Variants in SLX4IP observed in about 807,000 individuals in gnomAD.
SLX4IP encodes the protein SLX4 interacting protein, also known as protein SLX4IP.
A neutral mutation model predicts 32.9 loss-of-function variants in SLX4IP; 34 were observed. That is an observed-to-expected ratio of 1.03 (90% CI 0.79 to 1.38). SLX4IP has a LOEUF of 1.38. Ranked by LOEUF, SLX4IP falls within the 40% of genes most tolerant of loss-of-function variation. The pLI is 0.00. For missense variants in SLX4IP, 444 were observed against 479.0 expected, an observed-to-expected ratio of 0.93 and a Z score of 0.68; for synonymous variants, 172 against 171.7, an observed-to-expected ratio of 1.00 and a Z score of -0.01.
intron 1 of SLX4IP, among the ~76,000 whole-genome samples, chr20:10,438,096 G>A (rs529469519): frequency 2.0e-5 from 3 of 152,206 alleles, no homozygotes; most frequent in Admixed American, 2.0e-4. Flanking sequence ...GGGCTTTAAG[G>A]TTTTGTTTAT....
intron 6 of SLX4IP, among the ~76,000 whole-genome samples, chr20:10,603,871 C>A (rs1272339535): frequency 1.3e-5 from 2 of 152,102 alleles, no homozygotes; most frequent in African/African-American, 4.8e-5. Flanking sequence ...ACCCATCAAG[C>A]CAACTACACC....
At chr20:10,514,531 C>T (rs546764525) in intron 2 of SLX4IP, among the ~76,000 whole-genome samples, 5 of 152,284 alleles carry the variant, frequency 3.3e-5, no homozygotes, top group African/African-American at 4.8e-5. Flanking sequence ...TCTTGTAGCA[C>T]GGAAGGATCA....
chr20:10,523,726 T>G (rs2065918620), intron 2 of SLX4IP, among the ~76,000 whole-genome samples: 1 of 152,374 alleles, frequency 6.6e-6, no homozygotes, highest in Admixed American at 6.5e-5. Flanking sequence ...ACGTCAGAAC[T>G]GTCTGCTGGA....
At chr20:10,497,822 T>G (rs1200752922) in intron 2 of SLX4IP, among the ~76,000 whole-genome samples, 1 of 152,084 alleles carries the variant, frequency 6.6e-6, no homozygotes, top group Admixed American at 6.6e-5. Flanking sequence ...GGCTGCTGCT[T>G]CTTCCTTTAA....
At position 10,560,749 on chromosome 20, in the gene SLX4IP, A is replaced by G. The variant is rs766445670; in HGVS notation, c.167A>G (p.Tyr56Cys). 2.5e-6 allele frequency: 4 copies of G among 1,607,962 alleles called. No individual in the cohort carries two copies. Among genetic ancestry groups the G allele is most frequent in the Non-Finnish European group, 3.4e-6 (4 of 1,176,952 alleles). ...KETIDSRVQE[Y>C]LEVRKQHRPS... ...ACCATTGATTCAAGAGTTCAGGAGT[A>G]CTTGGAAGTTCGCAAACAGCACAGG... The change falls in exon 4 of 8, where the codon TAC becomes TGC. Residue 56 changes from tyrosine to cysteine, a missense_variant. Physicochemically the swap from Tyr to Cys is radical, Grantham distance 194. Transcript: ENST00000334534.
intron 4 of SLX4IP, among the ~76,000 whole-genome samples, chr20:10,588,672 T>C (rs562303623): frequency 6.6e-6 from 1 of 152,312 alleles, no homozygotes; most frequent in East Asian, 1.9e-4. Context: ...AAATACTGTG[T>C]GATCTCACTT....
At chr20:10,558,316 T>C (rs750615220) in intron 3 of SLX4IP, among the ~76,000 whole-genome samples, 2 of 126,722 alleles carry the variant, frequency 1.6e-5, no homozygotes, top group South Asian at 4.9e-4. Flanking sequence ...AACTCCACCA[T>C]GGGTGGCAGA....
At chr20:10,449,203 C>T (rs2876201) in intron 1 of SLX4IP, among the ~76,000 whole-genome samples, 74,236 of 151,672 alleles carry the variant, frequency 0.49, 19,575 homozygotes, top group Non-Finnish European at 0.6. Flanking sequence ...TCTATGCAAC[C>T]GACTTTCCAG....
At chr20:10,514,920 G>A (rs1294218857) in intron 2 of SLX4IP, among the ~76,000 whole-genome samples, 1 of 152,044 alleles carries the variant, frequency 6.6e-6, no homozygotes, top group Non-Finnish European at 1.5e-5. Flanking sequence ...ACCAACTTTG[G>A]AACACAGGAC....
Position 10,626,354 on chromosome 20 carries a change from C to T in SLX4IP, c.*2975C>T, listed in dbSNP as rs2067174489. The T allele has an allele frequency of 6.6e-6, 1 of 151,724 alleles. No individual in the cohort carries two copies. The highest frequency in any genetic ancestry group is 6.6e-5 in the Admixed American group (1 of 15,226). 9.4% of individuals were successfully genotyped at this position (151,724 alleles called of 1,614,324 possible). A position where few individuals can be genotyped will look rare whatever the true frequency, so the allele number is the denominator to read the frequency against. On this transcript the variant is annotated 3_prime_UTR_variant, in exon 8 of 8. Transcript: ENST00000334534. ...GGCCTGTTTTGACATTCTTAATGAT[C>T]TTAATAATTTGGCATCTGAAAGTCT...
At chr20:10,584,480 T>G (rs140775100) in intron 4 of SLX4IP, among the ~76,000 whole-genome samples, 3,757 of 152,328 alleles carry the variant, frequency 0.025, 93 homozygotes, top group Admixed American at 0.086. Flanking sequence ...AATAAGACTC[T>G]CACTACTAAT....
intron 2 of SLX4IP, among the ~76,000 whole-genome samples, chr20:10,523,573 A>C (rs2065916789): frequency 6.6e-6 from 1 of 152,254 alleles, no homozygotes; most frequent in African/African-American, 2.4e-5. Context: ...ATGACTTTCT[A>C]AAATGAGACT....
chr20:10,436,474 A>T (rs2065116249), intron 1 of SLX4IP, among the ~76,000 whole-genome samples: 1 of 151,898 alleles, frequency 6.6e-6, no homozygotes, highest in Non-Finnish European at 1.5e-5. Context: ...CTCCTGCCTC[A>T]GCGTTCCCAG....
At chr20:10,550,725 G>T (rs2066209890) in intron 2 of SLX4IP, among the ~76,000 whole-genome samples, 1 of 152,178 alleles carries the variant, frequency 6.6e-6, no homozygotes, top group Non-Finnish European at 1.5e-5. Context: ...TCTGCATTGA[G>T]ACTCTTTTCC....
Position 10,514,172 on chromosome 20 carries a change from A to T in SLX4IP, c.28-42059A>T, listed in dbSNP as rs554822915. The stretch of plus-strand genomic sequence containing the variant: ...CCTCTAGGTTTGGTTACAAAACTCT[A>T]CCGGGGAGTGGGAGGTGAGAGTGGG... On this transcript the variant is annotated intron_variant, in intron 2 of 7. Transcript: ENST00000334534. Among the ~76,000 whole-genome samples the T allele has an allele frequency of 9.3e-4, 141 of 152,290 alleles. 1 individual carries two copies. The highest frequency in any genetic ancestry group is 1.6e-3 in the Non-Finnish European group (109 of 68,020).
intron 6 of SLX4IP, among the ~76,000 whole-genome samples, chr20:10,607,308 A>G (rs1473757831): frequency 1.4e-4 from 22 of 152,168 alleles, no homozygotes; most frequent in Admixed American, 1.4e-3. Context: ...CTTATGCTTC[A>G]TTTGAGCTGT....
chr20:10,531,462 T>C lies in SLX4IP; in HGVS notation c.28-24769T>C, dbSNP rs574046357. On this transcript the variant is annotated intron_variant, in intron 2 of 7. Transcript: ENST00000334534. ...CAGTCTTCTATGACTCTTGTGTTTC[T>C]CTTTGCTGTTTTTAAAAATTGTACC... Among the ~76,000 whole-genome samples the C allele has an allele frequency of 2.6e-5, 4 of 152,344 alleles. No individual in the cohort carries two copies. The East Asian group carries it at 7.7e-4, about 29-fold the overall frequency.
intron 2 of SLX4IP, among the ~76,000 whole-genome samples, chr20:10,468,335 A>G (rs1264497615): frequency 6.6e-6 from 1 of 152,070 alleles, no homozygotes; most frequent in Admixed American, 6.6e-5. Context: ...TTACCATTCC[A>G]GTTCATCTAG....
chr20:10,599,151 TC>T (rs1786981298), intron 5 of SLX4IP, among the ~76,000 whole-genome samples: 1 of 152,072 alleles, frequency 6.6e-6, no homozygotes, highest in Non-Finnish European at 1.5e-5. Flanking sequence ...GAGGCCACTT[TC>T]CCCCATCACT....
Sources: allele counts gnomAD v4.1 joint callset (sites outside exome capture counted in the v4.1 genomes callset), GRCh38; gene constraint gnomAD v4.1.1; transcripts MANE v1.5; gene names NCBI Gene and HGNC (gene_info 2026-07-23, HGNC 2026-07-21).